The following DACH2 variants were observed in gnomAD, a reference collection of about 807,000 sequenced individuals.
DACH2 encodes the protein dachshund family transcription factor 2, also known as dachshund homolog 2.
DACH2 carries 17 observed loss-of-function variants against 35.8 expected under a neutral mutation model. The ratio of observed to expected loss-of-function variants is 0.48; its 90% CI spans 0.33 to 0.71. DACH2 has a LOEUF of 0.71. Among genes scored for constraint, DACH2 ranks in the 30% least tolerant of loss-of-function variants. The pLI is 0.02. For synonymous variants in DACH2, 195 were observed against 177.3 expected, an observed-to-expected ratio of 1.10 and a Z score of -0.79; for missense variants, 469 against 472.7, an observed-to-expected ratio of 0.99 and a Z score of 0.07.
intron 2 of DACH2, among the ~76,000 whole-genome samples, chrX:86,412,530 G>A (rs1490186851): frequency 5.4e-5 from 6 of 111,590 alleles, no homozygotes; most frequent in African/African-American, 1.6e-4. Flanking sequence ...GGGGAATATG[G>A]TAAGACCAGT....
intron 1 of DACH2, among the ~76,000 whole-genome samples, chrX:86,225,821 T>G (rs1198287174): frequency 9.0e-6 from 1 of 111,516 alleles, no homozygotes; most frequent in Non-Finnish European, 1.9e-5. Flanking sequence ...ATAGCCATAC[T>G]CTGTCTCTTT....
chrX:86,237,736 G>A (rs1233660344), intron 1 of DACH2, among the ~76,000 whole-genome samples: 1 of 111,934 alleles, frequency 8.9e-6, no homozygotes, highest in Non-Finnish European at 1.9e-5. Context: ...GGCTGGGCAT[G>A]ATGGCTGCGG....
intron 2 of DACH2, among the ~76,000 whole-genome samples, chrX:86,467,614 G>A (rs1160643445): frequency 9.0e-6 from 1 of 111,087 alleles, no homozygotes; most frequent in African/African-American, 3.3e-5. Context: ...ATTTCCAGGT[G>A]GCCTTATAGC....
chrX:86,570,997 A>G (rs1439796355), intron 3 of DACH2, among the ~76,000 whole-genome samples: 2 of 111,371 alleles, frequency 1.8e-5, no homozygotes, highest in Admixed American at 9.6e-5. Flanking sequence ...TTTGTTTTGT[A>G]TAATACATTT....
intron 3 of DACH2, among the ~76,000 whole-genome samples, chrX:86,546,870 G>A (rs1282819205): frequency 9.1e-6 from 1 of 109,973 alleles, no homozygotes; most frequent in African/African-American, 3.3e-5. Flanking sequence ...TCAAACTACT[G>A]TTTGAAAATA....
chrX:86,762,538 G>A (rs777392602), intron 7 of DACH2, among the ~76,000 whole-genome samples: 1 of 111,481 alleles, frequency 9.0e-6, no homozygotes, highest in African/African-American at 3.3e-5. Flanking sequence ...GGGAAAATTA[G>A]GTATTGAGTA....
chrX:86,795,398 C>A (rs1250458247), intron 7 of DACH2, among the ~76,000 whole-genome samples: 1 of 109,723 alleles, frequency 9.1e-6, no homozygotes, highest in African/African-American at 3.3e-5. Context: ...CACGCCCGGC[C>A]GATTTTTTGT....
intron 1 of DACH2, among the ~76,000 whole-genome samples, chrX:86,235,451 C>T (rs2033038861): frequency 1.8e-5 from 2 of 112,089 alleles, no homozygotes; most frequent in Non-Finnish European, 3.8e-5. Context: ...CTAGGTCATG[C>T]ATTCATATTT....
At chrX:86,289,594 C>T (rs1215636098) in intron 1 of DACH2, among the ~76,000 whole-genome samples, 1 of 79,862 alleles carries the variant, frequency 1.3e-5, no homozygotes, top group South Asian at 9.8e-4. Context: ...ACAACAGTCC[C>T]CAGAGTGTGA....
intron 5 of DACH2, 81 bp from the exon 6 acceptor site, chrX:86,714,467 A>G (rs2041312857): frequency 2.2e-6 from 2 of 889,385 alleles, no homozygotes; most frequent in South Asian, 6.8e-5. Context: ...TAAGAAAACT[A>G]AGAATGAATT....
chrX:86,702,302 C>T (rs920769711), intron 5 of DACH2, among the ~76,000 whole-genome samples: 1 of 110,887 alleles, frequency 9.0e-6, no homozygotes, highest in African/African-American at 3.3e-5. Context: ...GTTTATGGTG[C>T]TAGATGCCTA....
At chrX:86,654,505 C>T (rs760837502) in intron 4 of DACH2, among the ~76,000 whole-genome samples, 2 of 110,904 alleles carry the variant, frequency 1.8e-5, no homozygotes, top group African/African-American at 6.6e-5. Flanking sequence ...TGCTCTTCAA[C>T]CAGTGCTGAC....
intron 1 of DACH2, among the ~76,000 whole-genome samples, chrX:86,294,139 C>G (rs765881503): frequency 0.016 from 1,809 of 111,128 alleles, 46 homozygotes; most frequent in African/African-American, 0.056. Flanking sequence ...ATTCTTTTTT[C>G]TCTAAACTTC....
intron 2 of DACH2, among the ~76,000 whole-genome samples, chrX:86,420,600 C>T (rs925957641): frequency 9.0e-6 from 1 of 111,466 alleles, no homozygotes; most frequent in Non-Finnish European, 1.9e-5. Flanking sequence ...CAGCGGCTTA[C>T]TTTTACGGTA....
intron 2 of DACH2, among the ~76,000 whole-genome samples, chrX:86,502,568 G>T (rs2038266926): frequency 8.9e-6 from 1 of 111,917 alleles, no homozygotes; most frequent in Non-Finnish European, 1.9e-5. Flanking sequence ...ATTTGTCTTA[G>T]AAAAAGTCTT....
chrX:86,653,627 T>A (rs1204261863), intron 4 of DACH2, among the ~76,000 whole-genome samples: 1 of 110,534 alleles, frequency 9.0e-6, no homozygotes, highest in Non-Finnish European at 1.9e-5. Flanking sequence ...TATTTCTCCT[T>A]CGCTTATGAA....
At chrX:86,283,549 T>TA (rs2034077296) in intron 1 of DACH2, among the ~76,000 whole-genome samples, 1 of 110,856 alleles carries the variant, frequency 9.0e-6, no homozygotes, top group South Asian at 3.8e-4. Context: ...TATGCAGCTG[T>TA]AAAAAAGGAT....
rs368089078 is a variant in DACH2, at chrX:86,245,339, T to C, written c.488+96231T>C. Reference sequence around the variant, plus strand: ...ACACCACCTATGCATGCTTATGGACTCTGTTGCTCCACTACTGCTGGCACA... The same window carrying C: ...ACACCACCTATGCATGCTTATGGACCCTGTTGCTCCACTACTGCTGGCACA... On this transcript the variant is annotated intron_variant, in intron 1 of 11. Transcript: ENST00000373125. Among the ~76,000 whole-genome samples the C allele has an allele frequency of 4.0e-4, 45 of 111,915 alleles. No homozygotes were observed. In the East Asian group the frequency reaches 7.1e-3, roughly 18 times the overall value.
At position 86,402,301 on chromosome X, in the gene DACH2, A is replaced by G. The variant is rs765901399; in HGVS notation, c.527+25439A>G. Among the ~76,000 whole-genome samples the G allele has an allele frequency of 8.9e-5, 10 of 112,187 alleles. No individual in the cohort carries two copies. The East Asian group carries it at 2.8e-3, about 31-fold the overall frequency. ...ATTGAAAACTCTAAAGAGTCTGCTAAAAGGCTCCTAGAACTGATAAACAAC... is the reference window on the plus strand; with the variant it reads ...ATTGAAAACTCTAAAGAGTCTGCTAGAAGGCTCCTAGAACTGATAAACAAC... On this transcript the variant is annotated intron_variant, in intron 2 of 11. Coordinates refer to ENST00000373125, the MANE Select transcript of DACH2 (RefSeq NM_053281.3).
Sources: allele counts gnomAD v4.1 joint callset (sites outside exome capture counted in the v4.1 genomes callset), GRCh38; gene constraint gnomAD v4.1.1; transcripts MANE v1.5; gene names NCBI Gene and HGNC (gene_info 2026-07-23, HGNC 2026-07-21).